Variants in FSTL5 observed in about 807,000 individuals in gnomAD.
FSTL5 encodes follistatin-related protein 5.
Under a neutral mutation model 89.1 loss-of-function variants are expected in FSTL5, and 62 were observed. The observed-to-expected ratio is 0.70, with a 90% CI of 0.57 to 0.86. The LOEUF (loss-of-function observed/expected upper bound fraction) is 0.86, where lower values mean the gene tolerates loss of function less well. FSTL5 is among the 40% of genes least tolerant of loss of function. The probability of loss-of-function intolerance (pLI) is 0.00; values close to 1 mark genes in which losing one functional copy is unlikely to be tolerated. For synonymous variants in FSTL5, 383 were observed against 346.2 expected, an observed-to-expected ratio of 1.11 and a Z score of -1.18; for missense variants, 1,057 against 1,001.6, an observed-to-expected ratio of 1.06 and a Z score of -0.75.
chr4:161,987,811 T>C (rs187303770), intron 3 of FSTL5, among the ~76,000 whole-genome samples: 4 of 151,772 alleles, frequency 2.6e-5, no homozygotes, highest in Admixed American at 2.6e-4. Flanking sequence ...TGAGCACACC[T>C]TCAACTAAAA....
At position 161,452,475 on chromosome 4, in the gene FSTL5, C is replaced by CAA. The variant is rs35025996; in HGVS notation, c.1841+2527_1841+2528dup. 6.9e-5 allele frequency among the ~76,000 whole-genome samples: 9 copies of CAA among 130,712 alleles called. No homozygotes were observed. In the South Asian group the frequency reaches 9.3e-4, roughly 13 times the overall value. 85.8% of individuals were successfully genotyped at this position (130,712 alleles called of 152,430 possible). ...TGGGTGACAGAGGGAGACTCTGTCT[C>CAA]AAAAAAAAAAAAGAAATATACTATA... On this transcript the variant is annotated intron_variant, in intron 15 of 15. Coordinates refer to ENST00000306100, the MANE Select transcript of FSTL5 (RefSeq NM_020116.5).
In FSTL5 at chr4:161,844,122, G is replaced by A. The variant is rs192551372; in HGVS notation, c.410-68048C>T. Among the ~76,000 whole-genome samples, 490 of 152,210 alleles carry A rather than the reference G, an allele frequency of 3.2e-3. 4 individuals are homozygous for A. Among genetic ancestry groups the A allele is most frequent in the African/African-American group, 0.011 (470 of 41,538 alleles). ...AAGAAAAAAACAACCCCATCAAAAA[G>A]TGGGCAAAGGATATGAACAGACACT... On this transcript the variant is annotated intron_variant, in intron 4 of 15. Coordinates refer to ENST00000306100, the MANE Select transcript of FSTL5 (RefSeq NM_020116.5).
intron 4 of FSTL5, among the ~76,000 whole-genome samples, chr4:161,828,044 G>C (rs558195407): frequency 1.3e-5 from 2 of 152,046 alleles, no homozygotes; most frequent in Non-Finnish European, 2.9e-5. Context: ...GACTTTTCCC[G>C]GTTCCTCTGG....
At chr4:161,998,994 A>C (rs892653962) in intron 3 of FSTL5, among the ~76,000 whole-genome samples, 30 of 152,168 alleles carry the variant, frequency 2.0e-4, no homozygotes, top group African/African-American at 6.3e-4. Flanking sequence ...CCGAAACTCC[A>C]AAGGGAGGAG....
chr4:161,497,809 G>T (rs1159197413), intron 12 of FSTL5, among the ~76,000 whole-genome samples: 1 of 151,716 alleles, frequency 6.6e-6, no homozygotes, highest in South Asian at 2.1e-4. Context: ...CTACTTTGTC[G>T]CCGTTGGTGT....
At chr4:161,860,901 C>A (rs530602284) in intron 4 of FSTL5, among the ~76,000 whole-genome samples, 1 of 151,934 alleles carries the variant, frequency 6.6e-6, no homozygotes, top group African/African-American at 2.4e-5. Context: ...TCTCTTTTCA[C>A]CCCTCTCTCT....
At chr4:161,848,067 A>G (rs144879310) in intron 4 of FSTL5, among the ~76,000 whole-genome samples, 5,877 of 147,262 alleles carry the variant, frequency 0.04, 189 homozygotes, top group Non-Finnish European at 0.065. Context: ...AAAAAACAAG[A>G]CATATCAAAC....
intron 6 of FSTL5, among the ~76,000 whole-genome samples, chr4:161,695,234 A>G (rs1196453062): frequency 6.6e-6 from 1 of 151,890 alleles, no homozygotes; most frequent in African/African-American, 2.4e-5. Context: ...CGAGTCCCCA[A>G]AGTCCATTGT....
intron 2 of FSTL5, among the ~76,000 whole-genome samples, chr4:162,072,046 A>G (rs1186796150): frequency 6.6e-6 from 1 of 151,786 alleles, no homozygotes; most frequent in Non-Finnish European, 1.5e-5. Context: ...ATATAACGTC[A>G]ATATCTACAG....
intron 13 of FSTL5, among the ~76,000 whole-genome samples, chr4:161,462,916 CA>C (rs1467414278): frequency 6.6e-6 from 1 of 151,140 alleles, no homozygotes; most frequent in Non-Finnish European, 1.5e-5. Flanking sequence ...TGATGTGTGT[CA>C]CAAAAAAAAT....
chr4:161,437,749 T>C (rs970373571), intron 15 of FSTL5, among the ~76,000 whole-genome samples: 4 of 151,978 alleles, frequency 2.6e-5, no homozygotes, highest in African/African-American at 4.8e-5. Flanking sequence ...TTGTTAGCAA[T>C]TGGGAATTTT....
chr4:161,880,097 C>T (rs953390984), intron 4 of FSTL5, among the ~76,000 whole-genome samples: 3 of 151,998 alleles, frequency 2.0e-5, no homozygotes, highest in South Asian at 4.1e-4. Flanking sequence ...ACACTTTCCA[C>T]GATTAAGTCC....
Position 161,485,430 on chromosome 4 carries a change from C to T in FSTL5, c.1459-4261G>A, listed in dbSNP as rs551047548. ...GTAACAACCAGACACTAATCTATGG[C>T]TTTGTCATTCACCAGGCTTTCCTCC... On this transcript the variant is annotated intron_variant, in intron 12 of 15. Transcript: ENST00000306100. Among the ~76,000 whole-genome samples the T allele has an allele frequency of 6.6e-5, 10 of 152,300 alleles. No homozygotes were observed. The South Asian group carries it at 1.2e-3, about 19-fold the overall frequency.
At chr4:161,554,818 G>A in intron 8 of FSTL5, among the ~76,000 whole-genome samples, 1 of 151,594 alleles carries the variant, frequency 6.6e-6, no homozygotes, top group Middle Eastern at 3.2e-3. Flanking sequence ...AGCGGCAGCT[G>A]GATTGTTCTG....
intron 1 of FSTL5, among the ~76,000 whole-genome samples, chr4:162,143,146 T>G (rs2111488179): frequency 6.6e-6 from 1 of 150,828 alleles, no homozygotes; most frequent in African/African-American, 2.4e-5. Flanking sequence ...ATTAGAAAAA[T>G]TAACTCAAAC....
chr4:161,933,883 A>G (rs1326471423), intron 3 of FSTL5, among the ~76,000 whole-genome samples: 1 of 152,076 alleles, frequency 6.6e-6, no homozygotes, highest in Non-Finnish European at 1.5e-5. Context: ...CATTGAAAAC[A>G]GCACTGAAAT....
intron 1 of FSTL5, among the ~76,000 whole-genome samples, chr4:162,153,704 TTA>T (rs1427300019): frequency 2.9e-5 from 4 of 137,998 alleles, no homozygotes; most frequent in African/African-American, 1.1e-4. Context: ...TATATGTATA[TTA>T]TATATGTATA....
chr4:161,514,504 G>A (rs1011364569), intron 10 of FSTL5, among the ~76,000 whole-genome samples: 8 of 152,008 alleles, frequency 5.3e-5, no homozygotes, highest in Non-Finnish European at 1.2e-4. Context: ...AACATATTGG[G>A]TACAATGTTT....
chr4:161,757,603 T>C (rs1432374043), intron 6 of FSTL5, among the ~76,000 whole-genome samples: 1 of 152,108 alleles, frequency 6.6e-6, no homozygotes, highest in Non-Finnish European at 1.5e-5. Context: ...AGTAGAATAA[T>C]AATGCTGTGT....
Sources: allele counts gnomAD v4.1 joint callset (sites outside exome capture counted in the v4.1 genomes callset), GRCh38; gene constraint gnomAD v4.1.1; transcripts MANE v1.5; gene names NCBI Gene and HGNC (gene_info 2026-07-23, HGNC 2026-07-21).